LIMS1: variants seen among roughly 807,000 people sequenced by gnomAD.
The protein encoded by LIMS1 is LIM and senescent cell antigen-like-containing domain protein 1.
Under a neutral mutation model 44.1 loss-of-function variants are expected in LIMS1, and 18 were observed. The ratio of observed to expected loss-of-function variants is 0.41; its 90% CI spans 0.28 to 0.61. The LOEUF (loss-of-function observed/expected upper bound fraction) is 0.61. Ranked by LOEUF, LIMS1 falls within the 20% of genes least tolerant of loss-of-function variation. The probability of loss-of-function intolerance (pLI) is 0.32; values close to 1 mark genes in which losing one functional copy is unlikely to be tolerated. For synonymous variants in LIMS1, 93 were observed against 149.1 expected (o/e 0.62, Z 2.74); for missense variants, 201 against 422.0 (o/e 0.48, Z 4.59).
At chr2:108,559,480 T>C (rs1001965800) in intron 1 of LIMS1, among the ~76,000 whole-genome samples, 1 of 152,258 alleles carries the variant, frequency 6.6e-6, no homozygotes, top group Non-Finnish European at 1.5e-5. Flanking sequence ...TGCGGTCTTA[T>C]AATCAACTCT....
At chr2:108,609,013 G>C (rs1033100533) in intron 1 of LIMS1, among the ~76,000 whole-genome samples, 4 of 152,198 alleles carry the variant, frequency 2.6e-5, no homozygotes, top group African/African-American at 7.2e-5. Context: ...TCTGAAAGAA[G>C]TAGGGACAAT....
intron 1 of LIMS1, among the ~76,000 whole-genome samples, chr2:108,552,385 AACTATATAT>A (rs1193676716): frequency 1.4e-5 from 2 of 143,960 alleles, no homozygotes; most frequent in African/African-American, 2.5e-5. Context: ...ATATATATGA[AACTATATAT>A]ACTATATATA....
intron 1 of LIMS1, among the ~76,000 whole-genome samples, chr2:108,658,177 A>G (rs1420514054): frequency 2.4e-4 from 20 of 84,108 alleles, no homozygotes; most frequent in South Asian, 4.9e-4. Context: ...TGCTGTGGGT[A>G]GGCCTGTGAA....
intron 1 of LIMS1, among the ~76,000 whole-genome samples, chr2:108,586,631 T>C (rs1279078462): frequency 6.6e-6 from 1 of 152,164 alleles, no homozygotes; most frequent in African/African-American, 2.4e-5. Flanking sequence ...GTAGAGAAGT[T>C]AACAACAATG....
chr2:108,550,702 G>A (rs1022934406), intron 1 of LIMS1, among the ~76,000 whole-genome samples: 2 of 151,244 alleles, frequency 1.3e-5, no homozygotes, highest in Admixed American at 6.6e-5. Context: ...TGTAGTCCCA[G>A]TTACTCGGGA....
In LIMS1 at chr2:108,620,509, C is replaced by G. The variant is rs1302101664; in HGVS notation, c.33-39096C>G. ...GGATGACGAAGGACTTTCCCCAAAC[C>G]TGTCCTCTGTTGTACACATCCCCAC... On this transcript the variant is annotated intron_variant, in intron 1 of 9. Transcript: ENST00000544547. Among the ~76,000 whole-genome samples the G allele has an allele frequency of 2.6e-5, 4 of 152,136 alleles. No homozygotes were observed. In the East Asian group the frequency reaches 7.7e-4, roughly 29 times the overall value.
chr2:108,562,235 C>T (rs1403982464), intron 1 of LIMS1, among the ~76,000 whole-genome samples: 1 of 152,136 alleles, frequency 6.6e-6, no homozygotes, highest in Non-Finnish European at 1.5e-5. Context: ...TGAAATTAGA[C>T]CAATTAATAA....
chr2:108,568,994 C>T (rs1000609901), intron 1 of LIMS1, among the ~76,000 whole-genome samples: 8 of 152,008 alleles, frequency 5.3e-5, no homozygotes, highest in Non-Finnish European at 1.0e-4. Context: ...CAGGTTCCAG[C>T]GATTCTCCTG....
chr2:108,626,315 G>C (rs1688573198), intron 1 of LIMS1, among the ~76,000 whole-genome samples: 1 of 152,076 alleles, frequency 6.6e-6, no homozygotes, highest in African/African-American at 2.4e-5. Flanking sequence ...TTATTTGGTG[G>C]TTCAGTGAGG....
At chr2:108,629,172 A>T (rs1481027468) in intron 1 of LIMS1, among the ~76,000 whole-genome samples, 2 of 152,236 alleles carry the variant, frequency 1.3e-5, no homozygotes, top group Non-Finnish European at 2.9e-5. Flanking sequence ...AATGAGAATG[A>T]AAAAATGGCA....
Position 108,534,603 on chromosome 2 carries a change from C to T in LIMS1, c.32+9C>T. 8.8e-7 allele frequency: 1 copy of T among 1,134,780 alleles called. No individual in the cohort carries two copies. Among genetic ancestry groups the T allele is most frequent in the South Asian group, 4.3e-5 (1 of 23,454 alleles). The allele number at this position is 1,134,780 out of a possible 1,614,324, so 70.3% of individuals were successfully genotyped here. On this transcript the variant is annotated intron_variant, in intron 1 of 9. Transcript: ENST00000544547. Reference sequence around the variant, plus strand: ...GCCGGGATGACCCACAGGTACGGGCCGCACCGCGCGGCCCCCGCCACGTCC... The same window carrying T: ...GCCGGGATGACCCACAGGTACGGGCTGCACCGCGCGGCCCCCGCCACGTCC...
At chr2:108,558,344 A>G (rs1416925652) in intron 1 of LIMS1, among the ~76,000 whole-genome samples, 1 of 151,888 alleles carries the variant, frequency 6.6e-6, no homozygotes, top group African/African-American at 2.4e-5. Flanking sequence ...CAAACTCCCA[A>G]GTAGCTGGGA....
At chr2:108,633,579 C>G (rs994726891) in intron 1 of LIMS1, among the ~76,000 whole-genome samples, 2 of 152,094 alleles carry the variant, frequency 1.3e-5, no homozygotes, top group Non-Finnish European at 2.9e-5. Context: ...GGCCTCTTGC[C>G]AAGTTAGTTT....
At chr2:108,669,359 G>A (rs543258093) in intron 2 of LIMS1, among the ~76,000 whole-genome samples, 1 of 151,994 alleles carries the variant, frequency 6.6e-6, no homozygotes, top group Admixed American at 6.6e-5. Flanking sequence ...AGTGAGCCAA[G>A]ATTGTACCAC....
At chr2:108,561,462 A>G (rs796700497) in intron 1 of LIMS1, among the ~76,000 whole-genome samples, 14 of 152,248 alleles carry the variant, frequency 9.2e-5, no homozygotes, top group African/African-American at 3.4e-4. Context: ...GGCAGAACCA[A>G]TGCAGTGTAT....
intron 1 of LIMS1, among the ~76,000 whole-genome samples, chr2:108,539,301 T>G (rs1261219130): frequency 3.3e-5 from 5 of 152,198 alleles, no homozygotes; most frequent in Non-Finnish European, 7.3e-5. Context: ...CCCAGCCTAG[T>G]GTTGAATTCC....
intron 1 of LIMS1, among the ~76,000 whole-genome samples, chr2:108,551,686 T>C (rs1684720607): frequency 6.9e-6 from 1 of 144,946 alleles, no homozygotes; most frequent in South Asian, 2.1e-4. Flanking sequence ...ATATATACAC[T>C]GTATACATAC....
chr2:108,591,789 GT>G (rs935084572), intron 1 of LIMS1, among the ~76,000 whole-genome samples: 28 of 91,372 alleles, frequency 3.1e-4, no homozygotes, highest in Non-Finnish European at 4.8e-4. Flanking sequence ...AATGTTTTTA[GT>G]TTTTTTTTTT....
chr2:108,668,888 T>C (rs1416955740), intron 2 of LIMS1, among the ~76,000 whole-genome samples: 2 of 152,224 alleles, frequency 1.3e-5, no homozygotes, highest in African/African-American at 4.8e-5. Flanking sequence ...TATGGCATAG[T>C]ATCGAGTAAT....
Sources: gnomAD v4.1 joint callset for allele counts (sites outside exome capture counted in the v4.1 genomes callset) on GRCh38, gnomAD v4.1.1 for gene constraint, MANE v1.5 for transcripts, NCBI Gene and HGNC (gene_info 2026-07-23, HGNC 2026-07-21) for gene names.